Variants in FAM110B observed in about 807,000 individuals in gnomAD.
FAM110B encodes the protein family with sequence similarity 110 member B.
Under a neutral mutation model 20.4 loss-of-function variants are expected in FAM110B, and 6 were observed. That is an observed-to-expected ratio of 0.29 (90% CI 0.16 to 0.58). The LOEUF is 0.58. FAM110B is among the 20% of genes least tolerant of loss of function. The probability of loss-of-function intolerance (pLI) is 0.90; values close to 1 mark genes in which losing one functional copy is unlikely to be tolerated. For missense variants in FAM110B, 434 were observed against 498.2 expected (o/e 0.87, Z 1.23); for synonymous variants, 226 against 214.1 (o/e 1.06, Z -0.49).
chr8:58,138,424 G>A (rs889540596), intron 3 of FAM110B, among the ~76,000 whole-genome samples: 1 of 152,146 alleles, frequency 6.6e-6, no homozygotes, highest in African/African-American at 2.4e-5. Context: ...TGTGTGATCT[G>A]GTTAGAGAGT....
rs772800301 is a variant in FAM110B at position 58,148,681 on chromosome 8, T to A, written c.*1338T>A. On this transcript the variant is annotated 3_prime_UTR_variant, in exon 4 of 4. Coordinates refer to ENST00000519262, the MANE Select transcript of FAM110B (RefSeq NM_001377989.1). The stretch of plus-strand genomic sequence containing the variant: ...GACTTCATGAGCTAATAGGAAACTT[T>A]TTATGGTGTAAATGCTGTAAGACTT... 7.8e-5 allele frequency: 13 copies of A among 167,100 alleles called. No individual in the cohort carries two copies. The highest frequency in any genetic ancestry group is 1.6e-4 in the Non-Finnish European group (11 of 68,116). 10.4% of individuals were successfully genotyped at this position (167,100 alleles called of 1,614,324 possible).
intron 2 of FAM110B, among the ~76,000 whole-genome samples, chr8:58,049,827 C>T (rs1211131726): frequency 6.6e-6 from 1 of 152,116 alleles, no homozygotes; most frequent in Non-Finnish European, 1.5e-5. Context: ...GAAAAACATC[C>T]TCTAATATTT....
At chr8:58,003,964 T>G (rs1486624199) in intron 1 of FAM110B, among the ~76,000 whole-genome samples, 1 of 152,142 alleles carries the variant, frequency 6.6e-6, no homozygotes, top group Non-Finnish European at 1.5e-5. Context: ...ATGAAAGTTT[T>G]GACCAGCAGT....
At chr8:58,048,393 A>G (rs1487328293) in intron 2 of FAM110B, among the ~76,000 whole-genome samples, 2 of 151,668 alleles carry the variant, frequency 1.3e-5, no homozygotes, top group Admixed American at 6.6e-5. Context: ...TCTGTGGGGG[A>G]ATTTCCCATT....
chr8:58,062,173 A>G (rs1033880443), intron 2 of FAM110B, among the ~76,000 whole-genome samples: 10 of 152,228 alleles, frequency 6.6e-5, no homozygotes, highest in African/African-American at 1.9e-4. Flanking sequence ...TTTCTTTGCT[A>G]TAAAAGAAGA....
At chr8:58,057,586 C>G (rs1381524666) in intron 2 of FAM110B, among the ~76,000 whole-genome samples, 1 of 152,172 alleles carries the variant, frequency 6.6e-6, no homozygotes, top group Non-Finnish European at 1.5e-5. Context: ...ACCCTTTTCT[C>G]TGTCACCATC....
chr8:58,080,106 C>T (rs568832535), intron 3 of FAM110B, among the ~76,000 whole-genome samples: 21 of 152,136 alleles, frequency 1.4e-4, no homozygotes, highest in Non-Finnish European at 2.9e-5. Context: ...AACTTCAGAC[C>T]AAAGGGCAAC....
intron 3 of FAM110B, among the ~76,000 whole-genome samples, chr8:58,121,273 T>C (rs1471837219): frequency 6.6e-6 from 1 of 152,192 alleles, no homozygotes; most frequent in Middle Eastern, 3.2e-3. Context: ...GTCTCACTGA[T>C]AGAACAACAT....
rs1386437665 is a variant in FAM110B, at chr8:57,994,771, G to A, written c.-547G>A. ...TCCCCCGGAGCCTGGCTCCCGGCTCGGGCCGCACCGCCAGGGACTGGGGTG... is the reference window on the plus strand; with the variant it reads ...TCCCCCGGAGCCTGGCTCCCGGCTCAGGCCGCACCGCCAGGGACTGGGGTG... On this transcript the variant is annotated 5_prime_UTR_variant, in exon 1 of 4. Transcript: ENST00000519262. 3 of 152,252 alleles carry A rather than the reference G, an allele frequency of 2.0e-5. No individual in the cohort carries two copies. Among genetic ancestry groups the A allele is most frequent in the South Asian group, 2.1e-4 (1 of 4,836 alleles). 9.4% of individuals were successfully genotyped at this position (152,252 alleles called of 1,614,324 possible).
chr8:58,057,142 G>C (rs767406362), intron 2 of FAM110B, among the ~76,000 whole-genome samples: 2 of 152,168 alleles, frequency 1.3e-5, no homozygotes, highest in African/African-American at 4.8e-5. Flanking sequence ...ACTCAGCTGG[G>C]CTCCCTGGTC....
At chr8:58,045,162 G>A (rs1805294634) in intron 2 of FAM110B, among the ~76,000 whole-genome samples, 1 of 152,104 alleles carries the variant, frequency 6.6e-6, no homozygotes, top group Admixed American at 6.5e-5. Flanking sequence ...GCTAGCACGG[G>A]GCTTCATGTG....
In FAM110B at chr8:58,137,102, A is replaced by C. The variant is rs16923114; in HGVS notation, c.-324-8805A>C. On this transcript the variant is annotated intron_variant, in intron 3 of 3. Coordinates refer to ENST00000519262, the MANE Select transcript of FAM110B (RefSeq NM_001377989.1). ...GTCATACAAGTGACCTTTTAGCCAG[A>C]AACTGCATGGTCAATCCTCTTTGAC... 8.6e-3 allele frequency among the ~76,000 whole-genome samples: 1,306 copies of C among 152,376 alleles called. 18 individuals are homozygous for C. The highest frequency in any genetic ancestry group is 0.027 in the African/African-American group (1,109 of 41,586).
At chr8:58,037,537 G>A (rs1805102697) in intron 2 of FAM110B, among the ~76,000 whole-genome samples, 1 of 151,922 alleles carries the variant, frequency 6.6e-6, no homozygotes, top group African/African-American at 2.4e-5. Context: ...ACTCAGTTAA[G>A]CTTAGGCAGG....
At chr8:58,140,745 G>T (rs566219408) in intron 3 of FAM110B, among the ~76,000 whole-genome samples, 4 of 152,308 alleles carry the variant, frequency 2.6e-5, no homozygotes, top group African/African-American at 9.6e-5. Context: ...GGAGTGTCTT[G>T]AATGTACCAT....
At chr8:58,082,800 C>T (rs1388059542) in intron 3 of FAM110B, among the ~76,000 whole-genome samples, 3 of 151,602 alleles carry the variant, frequency 2.0e-5, no homozygotes, top group East Asian at 1.9e-4. Flanking sequence ...CAACACATCT[C>T]CTCATTGGTA....
chr8:58,131,290 T>C (rs778406100), intron 3 of FAM110B, among the ~76,000 whole-genome samples: 4 of 152,134 alleles, frequency 2.6e-5, no homozygotes, highest in Non-Finnish European at 5.9e-5. Flanking sequence ...TTTTCTCTGT[T>C]GCCCAGGTGG....
Position 58,146,886 on chromosome 8 carries a change from G to A in FAM110B, c.656G>A (p.Ser219Asn), listed in dbSNP as rs1349645710. 1 of 1,614,000 alleles carries A rather than the reference G, an allele frequency of 6.2e-7. No individual in the cohort carries two copies. The highest frequency in any genetic ancestry group is 8.5e-7 in the Non-Finnish European group (1 of 1,180,026). The change falls in exon 4 of 4, where the codon AGC (serine) becomes AAC (asparagine). Residue 219 changes from serine (S) to asparagine (N), a missense_variant. Transcript: ENST00000519262. ...CCCCTCAAGGCCATCCCCTGCAGTA[G>A]CTCTGCCCCTCCCCTGCCTCCCAAG... ...VKPLKAIPCS[S>N]SAPPLPPKPK...
intron 1 of FAM110B, among the ~76,000 whole-genome samples, chr8:58,028,810 C>T (rs941847471): frequency 1.8e-4 from 27 of 152,178 alleles, no homozygotes; most frequent in African/African-American, 6.3e-4. Flanking sequence ...TACCTTGCTT[C>T]CTTGCACATA....
chr8:58,020,351 A>T (rs1229093153), intron 1 of FAM110B, among the ~76,000 whole-genome samples: 1 of 152,164 alleles, frequency 6.6e-6, no homozygotes, highest in Non-Finnish European at 1.5e-5. Flanking sequence ...ATGTATTTTG[A>T]AATTTTAAAA....
Sources: gnomAD v4.1 joint callset for allele counts (sites outside exome capture counted in the v4.1 genomes callset) on GRCh38, gnomAD v4.1.1 for gene constraint, MANE v1.5 for transcripts, NCBI Gene and HGNC (gene_info 2026-07-23, HGNC 2026-07-21) for gene names.